FAR1: variants seen among roughly 807,000 people sequenced by gnomAD.
FAR1 encodes the protein male sterility domain-containing protein 2.
A neutral mutation model predicts 61.1 loss-of-function variants in FAR1; 22 were observed. The observed-to-expected ratio is 0.36, with a 90% CI of 0.26 to 0.51. The LOEUF (loss-of-function observed/expected upper bound fraction) is 0.51. Ranked by LOEUF, FAR1 falls within the 20% of genes least tolerant of loss-of-function variation. The pLI, the probability that FAR1 is intolerant of heterozygous loss-of-function variation, is 0.95. For synonymous variants in FAR1, 206 were observed against 209.7 expected (o/e 0.98, Z 0.15); for missense variants, 359 against 626.9 (o/e 0.57, Z 4.56).
intron 1 of FAR1, among the ~76,000 whole-genome samples, chr11:13,674,692 A>G (rs1848046672): frequency 6.6e-6 from 1 of 152,234 alleles, no homozygotes; most frequent in Non-Finnish European, 1.5e-5. Context: ...GGACCCAGAA[A>G]ATAATGAATG....
chr11:13,677,759 C>A (rs1331860671), intron 1 of FAR1, among the ~76,000 whole-genome samples: 4 of 152,180 alleles, frequency 2.6e-5, no homozygotes, highest in Admixed American at 2.6e-4. Flanking sequence ...TTTCTACTTT[C>A]TAATGGAATA....
intron 1 of FAR1, among the ~76,000 whole-genome samples, chr11:13,681,690 A>G (rs1693576135): frequency 6.6e-6 from 1 of 152,238 alleles, no homozygotes; most frequent in Non-Finnish European, 1.5e-5. Context: ...CGAAGAGGCT[A>G]AAGTCCGGAG....
rs1004620766 is a variant in FAR1 at position 13,731,256 on chromosome 11, C to G, written c.*2482C>G. The G allele has an allele frequency of 5.2e-5, 8 of 152,596 alleles. No individual in the cohort carries two copies. Among genetic ancestry groups the G allele is most frequent in the Admixed American group, 4.6e-4 (7 of 15,260 alleles). The allele number at this position is 152,596 out of a possible 1,614,324, so 9.5% of individuals were successfully genotyped here. On this transcript the variant is annotated 3_prime_UTR_variant, in exon 12 of 12. Coordinates refer to ENST00000354817, the MANE Select transcript of FAR1 (RefSeq NM_032228.6). Reference sequence around the variant, plus strand: ...GTGCAGAGAAGCTTGGCAGTACGTTCTTTGACTTAAGGATGGCATAAAATA... The same window carrying G: ...GTGCAGAGAAGCTTGGCAGTACGTTGTTTGACTTAAGGATGGCATAAAATA...
intron 2 of FAR1, among the ~76,000 whole-genome samples, chr11:13,696,341 G>A (rs1848306042): frequency 6.6e-6 from 1 of 152,090 alleles, no homozygotes; most frequent in East Asian, 1.9e-4. Flanking sequence ...ATACGTTCCT[G>A]GCTTTTTAGA....
At chr11:13,727,469 A>C (rs1437070820) in intron 10 of FAR1, 87 bp from the exon 11 acceptor site, 6 of 1,204,422 alleles carry the variant, frequency 5.0e-6, no homozygotes, top group Non-Finnish European at 5.8e-6. Flanking sequence ...GTCACTTGGA[A>C]CTGGCCTTTA....
At chr11:13,714,357 T>G (rs1043072933) in intron 8 of FAR1, 152 bp from the exon 9 acceptor site, 4 of 644,584 alleles carry the variant, frequency 6.2e-6, no homozygotes, top group Admixed American at 6.8e-5. Flanking sequence ...CATATTCTCT[T>G]AGCTACTAGA....
chr11:13,690,871 G>C (rs1848242228), intron 1 of FAR1, among the ~76,000 whole-genome samples: 1 of 152,100 alleles, frequency 6.6e-6, no homozygotes, highest in African/African-American at 2.4e-5. Context: ...TTTAGGTGTT[G>C]TTTAATTTCT....
chr11:13,708,140 G>A, intron 4 of FAR1, 61 bp downstream of exon 4: 3 of 1,225,442 alleles, frequency 2.4e-6, no homozygotes, highest in South Asian at 1.9e-5. Flanking sequence ...AAGGCGGGCG[G>A]ATCATGAGGT....
intron 10 of FAR1, among the ~76,000 whole-genome samples, chr11:13,727,309 A>G (rs1848677504): frequency 6.6e-6 from 1 of 151,680 alleles, no homozygotes; most frequent in African/African-American, 2.4e-5. Context: ...TATTTAACCT[A>G]CTTCTCTTTA....
At chr11:13,716,420 A>G (rs1212588092) in intron 9 of FAR1, among the ~76,000 whole-genome samples, 1 of 152,208 alleles carries the variant, frequency 6.6e-6, no homozygotes, top group African/African-American at 2.4e-5. Context: ...AATTTGAGAA[A>G]GAATCCACTG....
At chr11:13,680,600 T>G (rs1848116945) in intron 1 of FAR1, among the ~76,000 whole-genome samples, 1 of 152,088 alleles carries the variant, frequency 6.6e-6, no homozygotes, top group South Asian at 2.1e-4. Flanking sequence ...GGAGCAGGCA[T>G]CACACAGTGA....
intron 1 of FAR1, among the ~76,000 whole-genome samples, chr11:13,682,472 A>T (rs116214120): frequency 6.6e-6 from 1 of 152,346 alleles, no homozygotes; most frequent in South Asian, 2.1e-4. Context: ...TTTCTGGTAC[A>T]GTGGCAGAGC....
At chr11:13,728,471 C>G in intron 11 of FAR1, 141 bp from the exon 12 acceptor site, 1 of 706,624 alleles carries the variant, frequency 1.4e-6, no homozygotes, top group Non-Finnish European at 2.4e-6. Flanking sequence ...GTTTTACCTA[C>G]AGTATACTTA....
At chr11:13,679,906 G>A (rs746130120) in intron 1 of FAR1, among the ~76,000 whole-genome samples, 3 of 152,164 alleles carry the variant, frequency 2.0e-5, no homozygotes, top group Admixed American at 1.3e-4. Flanking sequence ...ACTAATGAAC[G>A]TCTTTAGATT....
chr11:13,670,430 A>G (rs949617274), intron 1 of FAR1, among the ~76,000 whole-genome samples: 1 of 152,082 alleles, frequency 6.6e-6, no homozygotes, highest in Non-Finnish European at 1.5e-5. Context: ...AGTTGGGACT[A>G]CAGAGACATG....
chr11:13,674,022 T>C (rs1302511453), intron 1 of FAR1, among the ~76,000 whole-genome samples: 1 of 152,128 alleles, frequency 6.6e-6, no homozygotes, highest in Non-Finnish European at 1.5e-5. Flanking sequence ...TGTAGAAAAT[T>C]CAAATTGGGC....
intron 1 of FAR1, among the ~76,000 whole-genome samples, chr11:13,671,915 CA>C (rs1848009412): frequency 6.6e-6 from 1 of 152,020 alleles, no homozygotes; most frequent in African/African-American, 2.4e-5. Context: ...TAAGAAGAGC[CA>C]GTGAAGAAAG....
chr11:13,723,766 T>C (rs1848640029), intron 10 of FAR1, among the ~76,000 whole-genome samples: 1 of 152,210 alleles, frequency 6.6e-6, no homozygotes, highest in African/African-American at 2.4e-5. Context: ...GGCTAAACTC[T>C]AGATAATTTA....
chr11:13,674,115 G>A (rs56940242), intron 1 of FAR1, among the ~76,000 whole-genome samples: 13,642 of 152,036 alleles, frequency 0.09, 708 homozygotes, highest in South Asian at 0.13. Context: ...TTCGATACCA[G>A]CCTGGCCAAT....
Sources: allele counts gnomAD v4.1 joint callset (sites outside exome capture counted in the v4.1 genomes callset), GRCh38; gene constraint gnomAD v4.1.1; transcripts MANE v1.5; gene names NCBI Gene and HGNC (gene_info 2026-07-23, HGNC 2026-07-21).